Variants in RMST observed in about 807,000 individuals in gnomAD.
RMST encodes the protein rhabdomyosarcoma 2 associated transcript.
chr12:97,494,618 A>G (rs920713776), intron 8 of RMST: 6 of 150,444 alleles, frequency 4.0e-5, no homozygotes, highest in African/African-American at 1.2e-4. Context: ...TAAAAACCTC[A>G]GTATTTTTTT....
chr12:97,506,034 CAT>C (rs1312997142), intron 10 of RMST, among the ~76,000 whole-genome samples: 1 of 152,228 alleles, frequency 6.6e-6, no homozygotes, highest in African/African-American at 2.4e-5. Context: ...TAAAAACCCA[CAT>C]ATTTTAATAA....
At chr12:97,510,734 C>T (rs922894976) in intron 10 of RMST, among the ~76,000 whole-genome samples, 1 of 152,192 alleles carries the variant, frequency 6.6e-6, no homozygotes, top group African/African-American at 2.4e-5. Flanking sequence ...ATTTGTCTTG[C>T]ATGTTCACTC....
At chr12:97,491,736 C>T in intron 5 of RMST, 1 of 289,544 alleles carries the variant, frequency 3.5e-6, no homozygotes, top group East Asian at 7.6e-5. Context: ...TCTTCTCATT[C>T]TTATAGATTC....
intron 11 of RMST, among the ~76,000 whole-genome samples, chr12:97,532,035 C>T (rs1158632688): frequency 6.6e-6 from 1 of 151,710 alleles, no homozygotes; most frequent in African/African-American, 2.4e-5. Flanking sequence ...AATTTTAAAG[C>T]CTTTCAGTGT....
chr12:97,545,134 T>G (rs969965284), intron 11 of RMST, among the ~76,000 whole-genome samples: 2 of 152,112 alleles, frequency 1.3e-5, no homozygotes, highest in Non-Finnish European at 2.9e-5. Context: ...TCAGGCTCTC[T>G]CTAGTCAATT....
intron 5 of RMST, among the ~76,000 whole-genome samples, chr12:97,490,218 C>A (rs1238605957): frequency 1.3e-5 from 2 of 152,038 alleles, no homozygotes; most frequent in Non-Finnish European, 2.9e-5. Context: ...CATGTTAATT[C>A]CACTCATATA....
intron 5 of RMST, among the ~76,000 whole-genome samples, chr12:97,471,674 G>A (rs956884252): frequency 6.6e-6 from 1 of 152,122 alleles, no homozygotes; most frequent in African/African-American, 2.4e-5. Flanking sequence ...TTGGCCCTTA[G>A]CTACAGTGTG....
At chr12:97,521,224 A>G (rs566059828) in intron 10 of RMST, among the ~76,000 whole-genome samples, 14 of 152,238 alleles carry the variant, frequency 9.2e-5, no homozygotes, top group East Asian at 3.9e-4. Context: ...TTAACTCTCT[A>G]TGAATCTTCA....
chr12:97,524,075 C>CAAAAAAAAAAAAAAAAAAAAAAAAAAAAA (rs537840796), intron 10 of RMST, among the ~76,000 whole-genome samples: 1 of 56,128 alleles, frequency 1.8e-5, no homozygotes, highest in Non-Finnish European at 3.2e-5. Context: ...GACTCTGTCT[C>CAAAAAAAAAAAAAAAAAAAAAAAAAAAAA]AAAAAAAAAA....
intron 10 of RMST, among the ~76,000 whole-genome samples, chr12:97,528,969 T>C (rs1375882524): frequency 6.6e-6 from 1 of 152,096 alleles, no homozygotes; most frequent in Non-Finnish European, 1.5e-5. Flanking sequence ...TTATTTCTGA[T>C]TTTTTTGTTC....
intron 5 of RMST, among the ~76,000 whole-genome samples, chr12:97,470,898 T>C (rs566137067): frequency 1.4e-4 from 21 of 152,152 alleles, no homozygotes; most frequent in Non-Finnish European, 2.4e-4. Context: ...ATACCTCATG[T>C]TGGGTTTTTA....
intron 5 of RMST, among the ~76,000 whole-genome samples, chr12:97,489,031 T>A (rs1876453373): frequency 6.6e-6 from 1 of 152,228 alleles, no homozygotes; most frequent in East Asian, 1.9e-4. Context: ...TTGTTAAAAT[T>A]GCATCACTGC....
chr12:97,519,715 A>G (rs1565930091), intron 10 of RMST, among the ~76,000 whole-genome samples: 1 of 152,210 alleles, frequency 6.6e-6, no homozygotes, highest in Non-Finnish European at 1.5e-5. Context: ...GGTCATTAGA[A>G]TAAATACAAC....
intron 10 of RMST, among the ~76,000 whole-genome samples, chr12:97,525,137 G>A (rs1443170809): frequency 6.6e-6 from 1 of 152,162 alleles, no homozygotes; most frequent in African/African-American, 2.4e-5. Flanking sequence ...ACATAGAAAT[G>A]CGGTTTGTCT....
At chr12:97,563,769 G>A (rs1239567443) in intron 13 of RMST, 1 of 476,892 alleles carries the variant, frequency 2.1e-6, no homozygotes, top group Non-Finnish European at 4.4e-6. Flanking sequence ...GCTTTGAAAT[G>A]GTTGTGAAGT....
At chr12:97,472,642 G>A (rs1874060719) in intron 5 of RMST, among the ~76,000 whole-genome samples, 1 of 151,856 alleles carries the variant, frequency 6.6e-6, no homozygotes, top group African/African-American at 2.4e-5. Context: ...CTTTTGGTTG[G>A]GTAACTAAAA....
At chr12:97,538,693 T>C (rs1882281193) in intron 11 of RMST, among the ~76,000 whole-genome samples, 1 of 151,438 alleles carries the variant, frequency 6.6e-6, no homozygotes. Context: ...AATTTGAACA[T>C]AATTATAGTT....
chr12:97,516,673 G>A (rs985862874), intron 10 of RMST, among the ~76,000 whole-genome samples: 1 of 151,800 alleles, frequency 6.6e-6, no homozygotes, highest in African/African-American at 2.4e-5. Flanking sequence ...ATGAAGTTAT[G>A]TTCTTTCTAT....
chr12:97,540,889 C>T (rs974378667), intron 11 of RMST, among the ~76,000 whole-genome samples: 3 of 151,218 alleles, frequency 2.0e-5, no homozygotes, highest in South Asian at 2.1e-4. Context: ...GTAAAATTTC[C>T]AATCACTGTG....
Sources: gnomAD v4.1 joint callset for allele counts (sites outside exome capture counted in the v4.1 genomes callset) on GRCh38, gnomAD v4.1.1 for gene constraint, MANE v1.5 for transcripts, NCBI Gene and HGNC (gene_info 2026-07-23, HGNC 2026-07-21) for gene names.